The following TMEM250 variants were observed in gnomAD, a reference collection of about 807,000 sequenced individuals.
TMEM250 encodes transmembrane protein 250.
Under a neutral mutation model 7.0 loss-of-function variants are expected in TMEM250, and 7 were observed. That is an observed-to-expected ratio of 1.00 (90% confidence interval 0.57 to 1.87). The LOEUF is 1.87. Ranked by LOEUF, TMEM250 falls within the 40% of genes most tolerant of loss-of-function variation. The probability of loss-of-function intolerance (pLI) is 0.00; values close to 1 mark genes in which losing one functional copy is unlikely to be tolerated. For synonymous variants in TMEM250, 135 were observed against 96.7 expected (o/e 1.40, Z -2.32); for missense variants, 196 against 202.5 (o/e 0.97, Z 0.19).
chr9:136,116,045 G>A lies in TMEM250; in HGVS notation c.*436C>T, dbSNP rs1236214480. The A allele has an allele frequency of 3.2e-5, 13 of 412,602 alleles. No homozygotes were observed. In the East Asian group the frequency reaches 4.2e-4, roughly 13 times the overall value. The allele number at this position is 412,602 out of a possible 1,614,324, so 25.6% of individuals were successfully genotyped here. The stretch of plus-strand genomic sequence containing the variant: ...GTCCCGTTGGCTGGGGCTGGGGCCA[G>A]GGCACGCAGAAGGGGCTGTGCAGCC... On this transcript the variant is annotated 3_prime_UTR_variant, in exon 2 of 2. Coordinates refer to ENST00000418388, the MANE Select transcript of TMEM250 (RefSeq NM_152833.3).
rs759528309 is a variant in TMEM250, at chr9:136,116,497, A to G, written c.404T>C (p.Val135Ala). ...LVGGLGWCFMVFVDM is the reference protein window; with the variant it reads ...LVGGLGWCFMAFVDM Reference sequence around the variant, plus strand: ...CCACGGCCCTCACATGTCCACGAAGACCATGAAGCACCAGCCCAGGCCCCC... The same window carrying G: ...CCACGGCCCTCACATGTCCACGAAGGCCATGAAGCACCAGCCCAGGCCCCC... Residue 135 changes from valine to alanine, a missense_variant, in exon 2 of 2, where the codon GTC becomes GCC. By Grantham distance (64) the Val-to-Ala change is moderately conservative. Coordinates refer to ENST00000418388, the MANE Select transcript of TMEM250 (RefSeq NM_152833.3). 1 of 1,555,848 alleles carries G rather than the reference A, an allele frequency of 6.4e-7. No homozygotes were observed. Among genetic ancestry groups the G allele is most frequent in the East Asian group, 2.4e-5 (1 of 42,490 alleles).
In TMEM250 at chr9:136,115,177, CTG is replaced by C. The variant is rs1830677536; in HGVS notation, c.*1302_*1303del. The C allele has an allele frequency of 6.6e-6, 1 of 152,292 alleles. No individual in the cohort carries two copies. The highest frequency in any genetic ancestry group is 1.9e-4 in the East Asian group (1 of 5,192). 9.4% of individuals were successfully genotyped at this position (152,292 alleles called of 1,614,324 possible). A position where few individuals can be genotyped will look rare whatever the true frequency, so the allele number is the denominator to read the frequency against. ...GGTTGTCAGTACCACACCCTGTGTCCTGCTCTAGGGTAGCCTCTGCCTGTTGT... is the reference window on the plus strand; with the variant it reads ...GGTTGTCAGTACCACACCCTGTGTCCCTCTAGGGTAGCCTCTGCCTGTTGT... On this transcript the variant is annotated 3_prime_UTR_variant, in exon 2 of 2. Transcript: ENST00000418388.
Position 136,115,769 on chromosome 9 carries a change from C to T in TMEM250, c.*712G>A. 1 of 202,498 alleles carries T rather than the reference C, an allele frequency of 4.9e-6. No homozygotes were observed. 12.5% of individuals were successfully genotyped at this position (202,498 alleles called of 1,614,324 possible). ...GAGTCAGCCCCTGGCTCCCAGGGTT[C>T]CCCCCAGGCCAGCCCCTGAGCTGGG... On this transcript the variant is annotated 3_prime_UTR_variant, in exon 2 of 2. Coordinates refer to ENST00000418388, the MANE Select transcript of TMEM250 (RefSeq NM_152833.3).
In TMEM250 at chr9:136,116,895, C is replaced by A. The variant is rs755095216; in HGVS notation, c.6G>T (p.Pro2=). 9.0e-6 allele frequency: 14 copies of A among 1,547,790 alleles called. No homozygotes were observed. The East Asian group carries it at 2.9e-4, about 32-fold the overall frequency. ...GCACCCGCCGCGGAATGGGCATGAC[C>A]GGCATTGGGCCCCGGCGGCGGCGGC... M[P]VMPIPRRVRS... Residue 2 remains proline (P), a synonymous_variant, in exon 2 of 2, where the codon CCG becomes CCT. Transcript: ENST00000418388.
In TMEM250 at chr9:136,116,957, T is replaced by A. The variant is rs3739466; in HGVS notation, c.-57A>T. 1.1e-4 allele frequency: 154 copies of A among 1,400,738 alleles called. No individual in the cohort carries two copies. Among genetic ancestry groups the A allele is most frequent in the Non-Finnish European group, 1.1e-4 (122 of 1,085,544 alleles). The allele number at this position is 1,400,738 out of a possible 1,614,324, so 86.8% of individuals were successfully genotyped here. A position where few individuals can be genotyped will look rare whatever the true frequency, so the allele number is the denominator to read the frequency against. On this transcript the variant is annotated 5_prime_UTR_variant, in exon 2 of 2. Transcript: ENST00000418388. ...GTGGCGGCGGCGGTGTCCAGGCGGC[T>A]GTTGGCGTAGGGGTCATGGGCGCCT...
chr9:136,116,192 A>C lies in TMEM250; in HGVS notation c.*289T>G. On this transcript the variant is annotated 3_prime_UTR_variant, in exon 2 of 2. Transcript: ENST00000418388. ...TGGAGAGAGGCCCACAGAGAGGCGG[A>C]ACGGAGGGCCCACCCCGCAGTACGA... 5.7e-6 allele frequency: 3 copies of C among 530,748 alleles called. No individual in the cohort carries two copies. The highest frequency in any genetic ancestry group is 9.8e-6 in the Non-Finnish European group (3 of 306,902). 32.9% of individuals were successfully genotyped at this position (530,748 alleles called of 1,614,324 possible). A position where few individuals can be genotyped will look rare whatever the true frequency, so the allele number is the denominator to read the frequency against.
chr9:136,118,252 T>C (rs1287241258), intron 1 of TMEM250: 1 of 152,206 alleles, frequency 6.6e-6, no homozygotes, highest in Admixed American at 6.5e-5. Context: ...TCCATCCGGG[T>C]CCCTGCGTTT....
Position 136,115,502 on chromosome 9 carries a change from G to C in TMEM250, c.*979C>G, listed in dbSNP as rs1459934948. The C allele has an allele frequency of 1.3e-5, 2 of 152,356 alleles. No homozygotes were observed. Among genetic ancestry groups the C allele is most frequent in the Non-Finnish European group, 2.9e-5 (2 of 68,138 alleles). The allele number at this position is 152,356 out of a possible 1,614,324, so 9.4% of individuals were successfully genotyped here. On this transcript the variant is annotated 3_prime_UTR_variant, in exon 2 of 2. Coordinates refer to ENST00000418388, the MANE Select transcript of TMEM250 (RefSeq NM_152833.3). ...GGTGCCACACAGGCTCTGGGGCTGTGTTTGCCGCACTGAGGCCTCTGCCGC... is the reference window on the plus strand; with the variant it reads ...GGTGCCACACAGGCTCTGGGGCTGTCTTTGCCGCACTGAGGCCTCTGCCGC...
rs894415633 is a variant in TMEM250 at position 136,115,555 on chromosome 9, T to A, written c.*926A>T. 4 of 152,328 alleles carry A rather than the reference T, an allele frequency of 2.6e-5. No individual in the cohort carries two copies. Among genetic ancestry groups the A allele is most frequent in the Non-Finnish European group, 1.5e-5 (1 of 68,114 alleles). The allele number at this position is 152,328 out of a possible 1,614,324, so 9.4% of individuals were successfully genotyped here. ...GCTCCGGACACTTGGGACACGCGTT[T>A]CCATCCTGGCTCACTGAAGCCTCGA... On this transcript the variant is annotated 3_prime_UTR_variant, in exon 2 of 2. Coordinates refer to ENST00000418388, the MANE Select transcript of TMEM250 (RefSeq NM_152833.3).
chr9:136,117,884 A>G (rs1830741697), intron 1 of TMEM250: 1 of 152,346 alleles, frequency 6.6e-6, no homozygotes, highest in Admixed American at 6.5e-5. Flanking sequence ...AATAATCTGT[A>G]GACGGAATGA....
rs1174108786 is a variant in TMEM250 at position 136,118,816 on chromosome 9, T to TC, written c.-457dup. On this transcript the variant is annotated 5_prime_UTR_variant, in exon 1 of 2. Transcript: ENST00000418388. The stretch of plus-strand genomic sequence containing the variant: ...CGCGCCGACCGAGCCGCACTTCCCT[T>TC]CCCCCTGCTCCGGGCCCGCGCTGGG... The TC allele has an allele frequency of 6.6e-6, 1 of 151,940 alleles. No individual in the cohort carries two copies. The highest frequency in any genetic ancestry group is 1.9e-4 in the East Asian group (1 of 5,168). 9.4% of individuals were successfully genotyped at this position (151,940 alleles called of 1,614,324 possible). A position where few individuals can be genotyped will look rare whatever the true frequency, so the allele number is the denominator to read the frequency against.
At position 136,114,694 on chromosome 9, in the gene TMEM250, A is replaced by AT. The variant is rs1333960613; in HGVS notation, c.*1786_*1787insA. ...TGCTCAGAGGGCACCAAGGTGCCAC[A>AT]ACTCCCTGCAGCGTTGACACCGCAC... On this transcript the variant is annotated 3_prime_UTR_variant, in exon 2 of 2. Transcript: ENST00000418388. 4.6e-5 allele frequency: 7 copies of AT among 152,222 alleles called. No homozygotes were observed. The highest frequency in any genetic ancestry group is 7.2e-5 in the African/African-American group (3 of 41,444). The allele number at this position is 152,222 out of a possible 1,614,324, so 9.4% of individuals were successfully genotyped here.
At chr9:136,118,351 G>C (rs923187900) in intron 1 of TMEM250, 134 bp downstream of exon 1, 15 of 152,122 alleles carry the variant, frequency 9.9e-5, no homozygotes, top group African/African-American at 3.4e-4. Flanking sequence ...AACTCCGCGT[G>C]AGCACCGGGC....
rs746923633 is a variant in TMEM250, at chr9:136,116,849, T to C, written c.52A>G (p.Thr18Ala). The C allele has an allele frequency of 1.4e-5, 22 of 1,599,242 alleles. No individual in the cohort carries two copies. The East Asian group carries it at 1.8e-4, about 13-fold the overall frequency. The change falls in exon 2 of 2, where the codon ACC (threonine) becomes GCC (alanine). Residue 18 changes from threonine (T) to alanine (A), a missense_variant. Coordinates refer to ENST00000418388, the MANE Select transcript of TMEM250 (RefSeq NM_152833.3). ...RRVRSFHGPH[T>A]TCLHAACGPV... The stretch of plus-strand genomic sequence containing the variant: ...CCGCAGGCCGCATGCAGGCAGGTGG[T>C]GTGCGGGCCGTGGAAGGAGCGCACC...
In TMEM250 at chr9:136,117,014, G is replaced by T. The variant is rs773480177; in HGVS notation, c.-114C>A. ...GGGAGCCCGCAGCTGACCCTGGGGGGAGGCGTCGGCCTGCGGGGAGAGCCG... is the reference window on the plus strand; with the variant it reads ...GGGAGCCCGCAGCTGACCCTGGGGGTAGGCGTCGGCCTGCGGGGAGAGCCG... On this transcript the variant is annotated 5_prime_UTR_variant, in exon 2 of 2. Coordinates refer to ENST00000418388, the MANE Select transcript of TMEM250 (RefSeq NM_152833.3). The T allele has an allele frequency of 1.7e-4, 223 of 1,349,626 alleles. No homozygotes were observed. The African/African-American group carries it at 3.1e-3, about 19-fold the overall frequency. 83.6% of individuals were successfully genotyped at this position (1,349,626 alleles called of 1,614,324 possible). A position where few individuals can be genotyped will look rare whatever the true frequency, so the allele number is the denominator to read the frequency against.
rs757478880 is a variant in TMEM250, at chr9:136,114,720, G to A, written c.*1761C>T. On this transcript the variant is annotated 3_prime_UTR_variant, in exon 2 of 2. Transcript: ENST00000418388. ...ACTCCCTGCAGCGTTGACACCGCAC[G>A]AGCGGCACCACCAGCCCCCTCCCGC... 53 of 152,230 alleles carry A rather than the reference G, an allele frequency of 3.5e-4. No homozygotes were observed. Among genetic ancestry groups the A allele is most frequent in the African/African-American group, 1.2e-3 (50 of 41,450 alleles). The allele number at this position is 152,230 out of a possible 1,614,324, so 9.4% of individuals were successfully genotyped here. A position where few individuals can be genotyped will look rare whatever the true frequency, so the allele number is the denominator to read the frequency against.
chr9:136,116,280 GA>G lies in TMEM250; in HGVS notation c.*200del. On this transcript the variant is annotated 3_prime_UTR_variant, in exon 2 of 2. Transcript: ENST00000418388. Reference sequence around the variant, plus strand: ...CGCTGCCCCTGAGAGTGCATACGGGGAGGGTGGGTCCAGGAAGCCAGCCTAG... The same window carrying G: ...CGCTGCCCCTGAGAGTGCATACGGGGGGGTGGGTCCAGGAAGCCAGCCTAG... 1 of 1,106,248 alleles carries G rather than the reference GA, an allele frequency of 9.0e-7. No individual in the cohort carries two copies. The highest frequency in any genetic ancestry group is 1.2e-6 in the Non-Finnish European group (1 of 804,558). The allele number at this position is 1,106,248 out of a possible 1,614,324, so 68.5% of individuals were successfully genotyped here.
chr9:136,116,757 G>C lies in TMEM250; in HGVS notation c.144C>G (p.Arg48=), dbSNP rs201211026. 3 of 1,612,536 alleles carry C rather than the reference G, an allele frequency of 1.9e-6. No individual in the cohort carries two copies. The highest frequency in any genetic ancestry group is 4.5e-5 in the East Asian group (2 of 44,870). Residue 48 remains arginine (R), a synonymous_variant, in exon 2 of 2, where the codon CGC becomes CGG. Transcript: ENST00000418388. ...YNNFDVYIKT[R]WLYGFIRFLL... ...GGAAGCGGATGAAGCCGTACAGCCA[G>C]CGCGTCTTGATGTACACGTCGAAGT...
Position 136,116,110 on chromosome 9 carries a change from CCT to C in TMEM250, c.*369_*370del, listed in dbSNP as rs1273997096. 1.6e-5 allele frequency: 7 copies of C among 430,320 alleles called. No individual in the cohort carries two copies. The East Asian group carries it at 2.1e-4, about 13-fold the overall frequency. The allele number at this position is 430,320 out of a possible 1,614,324, so 26.7% of individuals were successfully genotyped here. On this transcript the variant is annotated 3_prime_UTR_variant, in exon 2 of 2. Transcript: ENST00000418388. ...CCGGAATTGCTCCTGGGCACACAGC[CCT>C]CTGTGTCCAGGGGCCTCCCAGGGTG...
Sources: allele counts gnomAD v4.1 joint callset, GRCh38; gene constraint gnomAD v4.1.1; transcripts MANE v1.5; gene names NCBI Gene and HGNC (gene_info 2026-07-23, HGNC 2026-07-21).